Variants in ESCO2 observed in about 807,000 individuals in gnomAD.
ESCO2 encodes the protein establishment of sister chromatid cohesion N-acetyltransferase 2.
Under a neutral mutation model 61.7 loss-of-function variants are expected in ESCO2, and 51 were observed. The ratio of observed to expected loss-of-function variants is 0.83; its 90% CI spans 0.66 to 1.04. The LOEUF (loss-of-function observed/expected upper bound fraction) is 1.04, where lower values mean the gene tolerates loss of function less well. ESCO2 is among the 50% of genes least tolerant of loss of function. The pLI is 0.00. For synonymous variants in ESCO2, 230 were observed against 238.2 expected (o/e 0.97, Z 0.32); for missense variants, 692 against 686.2 (o/e 1.01, Z -0.09).
the ESCO2 span, among the ~76,000 whole-genome samples, chr8:27,819,285 C>G: frequency 4.7e-4 from 71 of 151,904 alleles, no homozygotes; most frequent in African/African-American, 1.7e-3. Context: ...TTTCTGCTTT[C>G]TGTTCTTAGG....
chr8:27,810,439 G>C (rs1805653272), downstream of ESCO2: 2 of 1,608,304 alleles, frequency 1.2e-6, no homozygotes. Flanking sequence ...TTAATAGGTG[G>C]CCTAGTTCCC....
At chr8:27,792,277 ATAAAC>A (rs1208794745) in intron 8 of ESCO2, among the ~76,000 whole-genome samples, 2 of 152,214 alleles carry the variant, frequency 1.3e-5, no homozygotes, top group Admixed American at 6.5e-5. Context: ...CTTGTGAAAG[ATAAAC>A]TAAGCTTTCA....
chr8:27,787,060 A>G (rs555104936), intron 5 of ESCO2, among the ~76,000 whole-genome samples: 16 of 152,232 alleles, frequency 1.1e-4, no homozygotes, highest in African/African-American at 2.6e-4. Context: ...GTTCGAACTC[A>G]TAGATTCTTT....
At chr8:27,779,651 T>C (rs555368692) in intron 3 of ESCO2, 2 of 154,698 alleles carry the variant, frequency 1.3e-5, no homozygotes, top group African/African-American at 4.8e-5. Context: ...TTTGAGAGGA[T>C]GACAGATTAC....
chr8:27,817,719 A>T, the ESCO2 span, among the ~76,000 whole-genome samples: 1 of 152,286 alleles, frequency 6.6e-6, no homozygotes, highest in Admixed American at 6.5e-5. Context: ...AAAGGGCATA[A>T]ACATTTTTAA....
chr8:27,788,086 TG>T, intron 6 of ESCO2, 84 bp downstream of exon 6: 1 of 944,302 alleles, frequency 1.1e-6, no homozygotes, highest in Non-Finnish European at 1.7e-6. Context: ...GTTCAGAACT[TG>T]GTATTTTCAA....
intron 10 of ESCO2, among the ~76,000 whole-genome samples, chr8:27,801,969 AT>A (rs34539100): frequency 0.01 from 842 of 83,690 alleles, 2 homozygotes; most frequent in African/African-American, 0.034. Flanking sequence ...CCTTCATGGC[AT>A]TTTTTTTTTT....
At position 27,791,964 on chromosome 8, in the gene ESCO2, G is replaced by A. The variant is rs552717450; in HGVS notation, c.1265G>A (p.Gly422Asp). 1.2e-6 allele frequency: 2 copies of A among 1,613,948 alleles called. No homozygotes were observed. The highest frequency in any genetic ancestry group is 1.3e-5 in the African/African-American group (1 of 74,972). The change falls in exon 8 of 11, where the codon GGT becomes GAT. Residue 422 changes from glycine to aspartate, a missense_variant and splice_region_variant. Transcript: ENST00000305188. Reference protein sequence around the residue: ...HRFLEGIKYVGWKKERVVAEF... With the variant: ...HRFLEGIKYVDWKKERVVAEF... ...GACCCTTTTGTTTTCCTTTGGCAGG[G>A]TTGGAAGAAAGAACGTGTAGTAGCA... is the stretch of plus-strand genomic sequence containing the variant.
chr8:27,774,212 C>T (rs895697872), upstream of ESCO2, among the ~76,000 whole-genome samples: 1 of 152,114 alleles, frequency 6.6e-6, no homozygotes, highest in African/African-American at 2.4e-5. Flanking sequence ...GAGTCTTGCT[C>T]TGTCGCCAGG....
At chr8:27,815,600 G>A (rs1297587255), downstream of ESCO2, among the ~76,000 whole-genome samples, 1 of 152,270 alleles carries the variant, frequency 6.6e-6, no homozygotes, top group East Asian at 1.9e-4. Context: ...ACACCGTTCA[G>A]TATATACACG....
At chr8:27,792,853 C>G in intron 9 of ESCO2, 42 bp downstream of exon 9, 2 of 1,537,470 alleles carry the variant, frequency 1.3e-6, no homozygotes, top group Admixed American at 2.2e-5. Context: ...AATTTGCAGG[C>G]AAAATAAAGA....
chr8:27,775,862 C>T (rs188145997), intron 2 of ESCO2, among the ~76,000 whole-genome samples: 196 of 152,240 alleles, frequency 1.3e-3, no homozygotes, highest in Non-Finnish European at 2.0e-3. Context: ...TATACCAAAT[C>T]AGCTATTACC....
chr8:27,786,814 G>GT lies in ESCO2; in HGVS notation c.1014-1060dup, dbSNP rs57226076. On this transcript the variant is annotated intron_variant, in intron 5 of 10. Transcript: ENST00000305188. ...TTTTTTTTTTTTTCTACTTTGTCAG[G>GT]TTTTTTTTTTTCCTGTTGTTTGAAC... 4.4e-3 allele frequency among the ~76,000 whole-genome samples: 544 copies of GT among 123,012 alleles called. 5 individuals are homozygous for GT. The highest frequency in any genetic ancestry group is 0.013 in the African/African-American group (446 of 33,572). The allele number at this position is 123,012 out of a possible 152,430, so 80.7% of individuals were successfully genotyped here.
chr8:27,807,454 C>A (rs79809709), downstream of ESCO2, among the ~76,000 whole-genome samples: 724 of 152,146 alleles, frequency 4.8e-3, 18 homozygotes, highest in East Asian at 0.091. Context: ...ACTAAATAAA[C>A]CAAACCCAAT....
rs774506097 is a variant in ESCO2 at position 27,776,911 on chromosome 8, A to G, written c.603A>G (p.Pro201=). The G allele has an allele frequency of 2.5e-6, 4 of 1,614,204 alleles. No homozygotes were observed. The highest frequency in any genetic ancestry group is 2.5e-6 in the Non-Finnish European group (3 of 1,180,032). Residue 201 remains proline (P), a synonymous_variant, in exon 3 of 11, where the codon CCA becomes CCG. Transcript: ENST00000305188. ...GGGTTCTGAGCCAAAAAATAAAACC[A>G]CAAGTTACACTCCAGGGTGGAGCAG... ...APRVLSQKIK[P]QVTLQGGAAF...
chr8:27,780,274 GAA>G lies in ESCO2; in HGVS notation c.955+10_955+11del, dbSNP rs1198241070. The G allele has an allele frequency of 6.5e-7, 1 of 1,539,142 alleles. No individual in the cohort carries two copies. Among genetic ancestry groups the G allele is most frequent in the African/African-American group, 1.4e-5 (1 of 73,386 alleles). On this transcript the variant is annotated splice_region_variant and intron_variant, in intron 4 of 10. Coordinates refer to ENST00000305188, the MANE Select transcript of ESCO2 (RefSeq NM_001017420.3). ...CTTGGTGAGAATAAGACAAGTAAGA[GAA>G]AACTCGCATGAATTTAGCTGCTTAA... is the stretch of plus-strand genomic sequence containing the variant.
chr8:27,776,643 CTAA>C lies in ESCO2; in HGVS notation c.337_339del (p.Asn113del). On this transcript the variant is annotated inframe_deletion, in exon 3 of 11. Coordinates refer to ENST00000305188, the MANE Select transcript of ESCO2 (RefSeq NM_001017420.3). ...GAGAGTAGATCTACTTGTCTAAAAACTAATGATGAAGATAAATCTTTTCCCATT... is the reference window on the plus strand; with the variant it reads ...GAGAGTAGATCTACTTGTCTAAAAACTGATGAAGATAAATCTTTTCCCATT... 2 of 1,613,864 alleles carry C rather than the reference CTAA, an allele frequency of 1.2e-6. No individual in the cohort carries two copies. Among genetic ancestry groups the C allele is most frequent in the Non-Finnish European group, 1.7e-6 (2 of 1,179,978 alleles).
chr8:27,795,677 C>G (rs1468376776), intron 9 of ESCO2, among the ~76,000 whole-genome samples: 1 of 151,946 alleles, frequency 6.6e-6, no homozygotes, highest in African/African-American at 2.4e-5. Context: ...TATTGAGGTA[C>G]ATTCCTTCTG....
chr8:27,784,578 G>T (rs1841315), intron 5 of ESCO2, among the ~76,000 whole-genome samples: 23,419 of 151,974 alleles, frequency 0.15, 2,269 homozygotes, highest in East Asian at 0.37. Flanking sequence ...ATTACCCCAT[G>T]TTGTAGATGA....
Sources: gnomAD v4.1 joint callset for allele counts (sites outside exome capture counted in the v4.1 genomes callset) on GRCh38, gnomAD v4.1.1 for gene constraint, MANE v1.5 for transcripts, NCBI Gene and HGNC (gene_info 2026-07-23, HGNC 2026-07-21) for gene names.